The following SYNE1 variants were observed in gnomAD, a reference collection of about 807,000 sequenced individuals.
The protein encoded by SYNE1 is spectrin repeat containing nuclear envelope protein 1.
In SYNE1, 616 loss-of-function variants were observed where a neutral mutation model predicts 1,111.0. The observed-to-expected ratio is 0.55, with a 90% CI of 0.52 to 0.59. The LOEUF is 0.59. Among genes scored for constraint, SYNE1 ranks in the 20% least tolerant of loss-of-function variants. The probability of loss-of-function intolerance (pLI) is 0.00; values close to 1 mark genes in which losing one functional copy is unlikely to be tolerated. For missense variants in SYNE1, 10,006 were observed against 10,417.0 expected (o/e 0.96, Z 1.72); for synonymous variants, 3,855 against 3,825.8 (o/e 1.01, Z -0.28).
intron 8 of SYNE1, among the ~76,000 whole-genome samples, chr6:152,507,087 T>C (rs1183979861): frequency 6.6e-6 from 1 of 152,208 alleles, no homozygotes; most frequent in East Asian, 1.9e-4. Flanking sequence ...GTAGTACAGA[T>C]ATAATTTTTT....
At chr6:152,180,815 C>G (rs989899565) in intron 128 of SYNE1, among the ~76,000 whole-genome samples, 4 of 152,102 alleles carry the variant, frequency 2.6e-5, no homozygotes, top group African/African-American at 7.2e-5. Context: ...AGCGAAGCGG[C>G]CTGAAATGGA....
intron 8 of SYNE1, among the ~76,000 whole-genome samples, chr6:152,507,336 T>C (rs1285160423): frequency 1.3e-5 from 2 of 152,208 alleles, no homozygotes; most frequent in Non-Finnish European, 2.9e-5. Flanking sequence ...CTTGAACTTA[T>C]GTATTGTTTT....
chr6:152,581,995 A>G (rs1357240412), intron 3 of SYNE1, among the ~76,000 whole-genome samples: 14 of 152,092 alleles, frequency 9.2e-5, no homozygotes, highest in Admixed American at 8.5e-4. Flanking sequence ...TCTATATCCC[A>G]GTACTCAAAA....
chr6:152,435,614 TAAAAAA>T, intron 33 of SYNE1: 1 of 352,670 alleles, frequency 2.8e-6, no homozygotes. Flanking sequence ...AATAATATAG[TAAAAAA>T]ATTATTTTAA....
In SYNE1 at chr6:152,409,110, C is replaced by G; in HGVS notation, c.6498G>C (p.Leu2166Phe). 6.2e-7 allele frequency: 1 copy of G among 1,614,134 alleles called. No individual in the cohort carries two copies. The highest frequency in any genetic ancestry group is 8.5e-7 in the Non-Finnish European group (1 of 1,180,014). Residue 2166 changes from leucine to phenylalanine, a missense_variant, in exon 44 of 146, where the codon TTG (leucine) becomes TTC (phenylalanine). Physicochemically the swap from Leu to Phe is conservative, Grantham distance 22. Transcript: ENST00000367255. ...LKKIHSSDFS[L>F]VKTDMESTVD... ...CGGTGCTCTCCATGTCTGTTTTCAC[C>G]AAGCTGAAATCACTACTGTGAATTT... is the stretch of plus-strand genomic sequence containing the variant.
intron 118 of SYNE1, 41 bp from the exon 119 acceptor site, chr6:152,221,087 C>A: frequency 6.3e-7 from 1 of 1,593,188 alleles, no homozygotes; most frequent in Non-Finnish European, 8.6e-7. Context: ...ATTACCACCT[C>A]TCACCAAATG....
At position 152,122,047 on chromosome 6, in the gene SYNE1, G is replaced by A; in HGVS notation, c.*389C>T. On this transcript the variant is annotated 3_prime_UTR_variant, in exon 146 of 146. Coordinates refer to ENST00000367255, the MANE Select transcript of SYNE1 (RefSeq NM_182961.4). The stretch of plus-strand genomic sequence containing the variant: ...ACGACACTGACATGGTGCTTGGGAG[G>A]GTCATTTATCTGATGGTTGGAGCAG... The A allele has an allele frequency of 3.3e-6, 1 of 301,072 alleles. No individual in the cohort carries two copies. The highest frequency in any genetic ancestry group is 3.6e-5 in the South Asian group (1 of 28,094). 18.7% of individuals were successfully genotyped at this position (301,072 alleles called of 1,614,324 possible).
chr6:152,367,090 C>G (rs1260568970), intron 62 of SYNE1, 128 bp downstream of exon 62: 1 of 1,164,454 alleles, frequency 8.6e-7, no homozygotes, highest in South Asian at 1.2e-5. Context: ...GACAGCGTTG[C>G]ACTCACAAAG....
At chr6:152,614,697 A>T (rs1277675224) in intron 3 of SYNE1, among the ~76,000 whole-genome samples, 1 of 152,194 alleles carries the variant, frequency 6.6e-6, no homozygotes, top group African/African-American at 2.4e-5. Flanking sequence ...TGTTTATTGC[A>T]GCACTATTCA....
At chr6:152,292,210 C>G (rs2094639089) in intron 95 of SYNE1, among the ~76,000 whole-genome samples, 1 of 152,146 alleles carries the variant, frequency 6.6e-6, no homozygotes, top group Non-Finnish European at 1.5e-5. Context: ...GACTAGCAGT[C>G]TAGTGATAAA....
rs1249406454 is a variant in SYNE1 at position 152,419,479 on chromosome 6, C to T, written c.5421+90G>A. 4 of 1,343,254 alleles carry T rather than the reference C, an allele frequency of 3.0e-6. No homozygotes were observed. In the African/African-American group the frequency reaches 4.5e-5, roughly 15 times the overall value. 83.2% of individuals were successfully genotyped at this position (1,343,254 alleles called of 1,614,324 possible). On this transcript the variant is annotated intron_variant, in intron 40 of 145. Transcript: ENST00000367255. ...AAAAGTTAAATTCTCACCATTTAAA[C>T]TTTTTTAAAATGTTGCATCTCTTTT...
At chr6:152,504,077 T>G (rs2099044310) in intron 9 of SYNE1, among the ~76,000 whole-genome samples, 1 of 152,180 alleles carries the variant, frequency 6.6e-6, no homozygotes, top group Admixed American at 6.5e-5. Flanking sequence ...GATCTTCTGG[T>G]CTGGTGGATA....
At chr6:152,404,114 T>TACAC (rs201892710) in intron 46 of SYNE1, 99 bp downstream of exon 46, 53 of 717,034 alleles carry the variant, frequency 7.4e-5, no homozygotes, top group African/African-American at 6.2e-4. Context: ...GATATATATA[T>TACAC]ATACACACAC....
chr6:152,431,172 G>C (rs1008967413), intron 34 of SYNE1, among the ~76,000 whole-genome samples: 8 of 152,132 alleles, frequency 5.3e-5, no homozygotes, highest in African/African-American at 1.9e-4. Flanking sequence ...TTTAATAACT[G>C]CACACCTACC....
In SYNE1 at chr6:152,364,722, A is replaced by AAGGG. The variant is rs1554549069; in HGVS notation, c.10145+124_10145+125insCCCT. On this transcript the variant is annotated intron_variant, in intron 63 of 145. Coordinates refer to ENST00000367255, the MANE Select transcript of SYNE1 (RefSeq NM_182961.4). ...GAAGGAAGGAAGGAAGGAAGGAAGG[A>AAGGG]AGGAAGGGAGGAAGGAAAGGAAAGG... 8.4e-5 allele frequency: 90 copies of AAGGG among 1,068,602 alleles called. No homozygotes were observed. The African/African-American group carries it at 1.2e-3, about 14-fold the overall frequency. The allele number at this position is 1,068,602 out of a possible 1,614,324, so 66.2% of individuals were successfully genotyped here.
intron 49 of SYNE1, 119 bp from the exon 50 acceptor site, chr6:152,397,099 G>T: frequency 9.8e-7 from 1 of 1,016,766 alleles, no homozygotes; most frequent in Non-Finnish European, 1.5e-6. Context: ...CAAGGCTGGA[G>T]TAAAAATGAT....
intron 17 of SYNE1, 112 bp from the exon 18 acceptor site, chr6:152,465,572 A>G (rs1012894817): frequency 1.0e-6 from 1 of 969,668 alleles, no homozygotes; most frequent in East Asian, 2.6e-5. Flanking sequence ...CAAATGCCAG[A>G]GTTCATTTCC....
chr6:152,401,025 G>T, intron 47 of SYNE1, 113 bp downstream of exon 47: 3 of 1,013,350 alleles, frequency 3.0e-6, no homozygotes, highest in Non-Finnish European at 4.5e-6. Context: ...AAGTTGGTCT[G>T]GTGTTCATAT....
intron 35 of SYNE1, 118 bp downstream of exon 35, chr6:152,430,364 C>T (rs1468765327): frequency 1.7e-6 from 2 of 1,150,456 alleles, no homozygotes; most frequent in East Asian, 2.5e-5. Flanking sequence ...TCAACATGTC[C>T]CATTATTTCA....
Sources: gnomAD v4.1 joint callset for allele counts (sites outside exome capture counted in the v4.1 genomes callset) on GRCh38, gnomAD v4.1.1 for gene constraint, MANE v1.5 for transcripts, NCBI Gene and HGNC (gene_info 2026-07-23, HGNC 2026-07-21) for gene names.